ADGRB3: variants seen among roughly 807,000 people sequenced by gnomAD.
The protein encoded by ADGRB3 is adhesion G protein-coupled receptor B3, also known as brain-specific angiogenesis inhibitor 3.
ADGRB3 carries 37 observed loss-of-function variants against 193.4 expected under a neutral mutation model. The observed-to-expected ratio is 0.19, with a 90% CI of 0.15 to 0.25. ADGRB3 has a LOEUF of 0.25. Ranked by LOEUF, ADGRB3 falls within the 10% of genes least tolerant of loss-of-function variation. The pLI, the probability that ADGRB3 is intolerant of heterozygous loss-of-function variation, is 1.00. For missense variants in ADGRB3, 1,637 were observed against 1,852.9 expected, an observed-to-expected ratio of 0.88 and a Z score of 2.14; for synonymous variants, 690 against 644.2, an observed-to-expected ratio of 1.07 and a Z score of -1.08.
At chr6:68,910,555 T>A (rs949036895) in intron 3 of ADGRB3, among the ~76,000 whole-genome samples, 5 of 152,240 alleles carry the variant, frequency 3.3e-5, no homozygotes, top group Admixed American at 3.3e-4. Context: ...CATTTAAGTC[T>A]TTAATCCATC....
intron 3 of ADGRB3, among the ~76,000 whole-genome samples, chr6:68,715,972 GATTTA>G (rs1167601043): frequency 2.0e-5 from 3 of 151,730 alleles, no homozygotes; most frequent in East Asian, 2.0e-4. Context: ...CCACCCTTGA[GATTTA>G]ACCTGTCTAA....
At chr6:68,772,262 C>A (rs1006211614) in intron 3 of ADGRB3, among the ~76,000 whole-genome samples, 1 of 151,944 alleles carries the variant, frequency 6.6e-6, no homozygotes, top group Non-Finnish European at 1.5e-5. Context: ...AATGGGAGGG[C>A]TAGAGGTGAA....
chr6:69,375,849 G>A (rs775027209), intron 30 of ADGRB3, among the ~76,000 whole-genome samples: 10 of 151,852 alleles, frequency 6.6e-5, no homozygotes, highest in African/African-American at 2.2e-4. Flanking sequence ...AGGCTGGGGC[G>A]GGAGAATTGA....
At chr6:69,296,077 G>T (rs1582612834) in intron 20 of ADGRB3, among the ~76,000 whole-genome samples, 1 of 152,076 alleles carries the variant, frequency 6.6e-6, no homozygotes, top group African/African-American at 2.4e-5. Context: ...TTATCCTATT[G>T]CTTCTGTTGG....
intron 17 of ADGRB3, among the ~76,000 whole-genome samples, chr6:69,144,246 T>A (rs1002834678): frequency 2.0e-5 from 3 of 152,238 alleles, no homozygotes; most frequent in African/African-American, 7.2e-5. Flanking sequence ...TGTATGTTGA[T>A]TTTGTATCCT....
intron 17 of ADGRB3, among the ~76,000 whole-genome samples, chr6:69,200,218 G>A (rs1765391095): frequency 6.6e-6 from 1 of 151,772 alleles, no homozygotes; most frequent in African/African-American, 2.4e-5. Context: ...GAAAATGAGA[G>A]AGAAAAGCTG....
Position 69,336,829 on chromosome 6 carries a change from T to C in ADGRB3, c.3189-2087T>C, listed in dbSNP as rs1407015081. Reference sequence around the variant, plus strand: ...CATCTAGACTATGAGTTTTTCATATTATATTAATTTCTATAGTGGTCACAT... The same window carrying C: ...CATCTAGACTATGAGTTTTTCATATCATATTAATTTCTATAGTGGTCACAT... On this transcript the variant is annotated intron_variant, in intron 24 of 31. Coordinates refer to ENST00000370598, the MANE Select transcript of ADGRB3 (RefSeq NM_001704.3). Among the ~76,000 whole-genome samples the C allele has an allele frequency of 2.0e-5, 3 of 152,260 alleles. No individual in the cohort carries two copies. The East Asian group carries it at 5.8e-4, about 29-fold the overall frequency.
chr6:69,045,515 C>CT (rs939391943), intron 13 of ADGRB3, among the ~76,000 whole-genome samples: 1 of 151,990 alleles, frequency 6.6e-6, no homozygotes, highest in Admixed American at 6.5e-5. Flanking sequence ...TTTAAGTGTT[C>CT]TCACCACACA....
chr6:69,167,669 G>C (rs557323193), intron 17 of ADGRB3, among the ~76,000 whole-genome samples: 2 of 152,222 alleles, frequency 1.3e-5, no homozygotes, highest in African/African-American at 4.8e-5. Flanking sequence ...GCGGGTATAA[G>C]AGCAGAAAGG....
intron 13 of ADGRB3, among the ~76,000 whole-genome samples, chr6:69,042,326 T>C (rs900257369): frequency 2.0e-5 from 3 of 152,144 alleles, no homozygotes; most frequent in African/African-American, 7.2e-5. Flanking sequence ...TTTGGCCAAA[T>C]GCTGTGCTAG....
intron 20 of ADGRB3, among the ~76,000 whole-genome samples, chr6:69,283,417 T>C (rs1767479280): frequency 6.6e-6 from 1 of 152,124 alleles, no homozygotes; most frequent in African/African-American, 2.4e-5. Flanking sequence ...CTTTTAACAG[T>C]TGCCATATTT....
At chr6:68,908,434 T>C (rs908082362) in intron 3 of ADGRB3, among the ~76,000 whole-genome samples, 2 of 152,094 alleles carry the variant, frequency 1.3e-5, no homozygotes, top group Admixed American at 1.3e-4. Flanking sequence ...TTCTGTCTAC[T>C]TTCACTATTC....
intron 17 of ADGRB3, among the ~76,000 whole-genome samples, chr6:69,151,170 C>G (rs766788406): frequency 6.6e-6 from 1 of 152,206 alleles, no homozygotes; most frequent in Non-Finnish European, 1.5e-5. Flanking sequence ...CAGCACACCA[C>G]TAGGACTGGC....
intron 20 of ADGRB3, among the ~76,000 whole-genome samples, chr6:69,298,440 G>A (rs1303139899): frequency 1.3e-5 from 2 of 151,882 alleles, no homozygotes; most frequent in Non-Finnish European, 2.9e-5. Flanking sequence ...ATAAATTATT[G>A]TTAACTATAA....
chr6:69,142,166 C>T (rs965201306), intron 17 of ADGRB3, among the ~76,000 whole-genome samples: 1 of 151,984 alleles, frequency 6.6e-6, no homozygotes, highest in Non-Finnish European at 1.5e-5. Context: ...AGGAAGATTT[C>T]AAGTGGTTAA....
At chr6:69,024,523 C>G (rs1449145606) in intron 13 of ADGRB3, among the ~76,000 whole-genome samples, 2 of 152,146 alleles carry the variant, frequency 1.3e-5, no homozygotes, top group African/African-American at 2.4e-5. Context: ...TATTTCACAA[C>G]TGTTCCTTAG....
chr6:69,222,550 A>T (rs1765918464), intron 17 of ADGRB3, among the ~76,000 whole-genome samples: 1 of 152,188 alleles, frequency 6.6e-6, no homozygotes, highest in Non-Finnish European at 1.5e-5. Flanking sequence ...TATGCAGGAC[A>T]AAGATGTTTA....
At position 68,847,913 on chromosome 6, in the gene ADGRB3, G is replaced by GA. The variant is rs375676547; in HGVS notation, c.758-82638dup. ...GAAGGGAGACACAAAGGAAAGGAAG[G>GA]AAAAAAAAGAATAGAAAAAAAGAAG... On this transcript the variant is annotated intron_variant, in intron 3 of 31. Transcript: ENST00000370598. Among the ~76,000 whole-genome samples the GA allele has an allele frequency of 1.4e-4, 21 of 147,852 alleles. 1 individual carries two copies. Among genetic ancestry groups the GA allele is most frequent in the South Asian group, 1.1e-3 (5 of 4,674 alleles).
Position 69,256,006 on chromosome 6 carries a change from G to T in ADGRB3, c.2814+16780G>T, listed in dbSNP as rs1203260601. On this transcript the variant is annotated intron_variant, in intron 20 of 31. Coordinates refer to ENST00000370598, the MANE Select transcript of ADGRB3 (RefSeq NM_001704.3). ...TTTGTCAGGTTTGTCAAAGATCAGA[G>T]AGTTGTAGATATGCGGCATTATTTC... Among the ~76,000 whole-genome samples, 143 of 151,920 alleles carry T rather than the reference G, an allele frequency of 9.4e-4. 1 individual carries two copies. In the South Asian group the frequency reaches 0.022, roughly 24 times the overall value.
Sources: gnomAD v4.1 joint callset for allele counts (sites outside exome capture counted in the v4.1 genomes callset) on GRCh38, gnomAD v4.1.1 for gene constraint, MANE v1.5 for transcripts, NCBI Gene and HGNC (gene_info 2026-07-23, HGNC 2026-07-21) for gene names.